Variants in METTL2B observed in about 807,000 individuals in gnomAD.
METTL2B encodes the protein methyltransferase 2B, tRNA N3-cytidine, also known as tRNA N(3)-cytidine methyltransferase METTL2B.
Under a neutral mutation model 51.0 loss-of-function variants are expected in METTL2B, and 28 were observed. The observed-to-expected ratio is 0.55, with a 90% CI of 0.41 to 0.75. The LOEUF is 0.75. Among genes scored for constraint, METTL2B ranks in the 30% least tolerant of loss-of-function variants. The probability of loss-of-function intolerance (pLI) is 0.00; values close to 1 mark genes in which losing one functional copy is unlikely to be tolerated. For missense variants in METTL2B, 313 were observed against 460.7 expected (o/e 0.68, Z 2.93); for synonymous variants, 128 against 166.3 (o/e 0.77, Z 1.77).
Position 128,476,888 on chromosome 7 carries a change from C to T in METTL2B, c.110+13C>T. On this transcript the variant is annotated intron_variant, in intron 1 of 8. Transcript: ENST00000262432. ...ACCACAATGCCTGGTAATCACCCTGCCCCCTCGCCCGGCCTGTCGCTGGCC... is the reference window on the plus strand; with the variant it reads ...ACCACAATGCCTGGTAATCACCCTGTCCCCTCGCCCGGCCTGTCGCTGGCC... The T allele has an allele frequency of 6.2e-7, 1 of 1,613,740 alleles. No individual in the cohort carries two copies. The highest frequency in any genetic ancestry group is 8.5e-7 in the Non-Finnish European group (1 of 1,179,826).
intron 7 of METTL2B, among the ~76,000 whole-genome samples, chr7:128,500,552 T>G (rs4728114): frequency 0.67 from 101,738 of 151,874 alleles, 34,280 homozygotes; most frequent in East Asian, 0.89. Context: ...AACCTGGGAG[T>G]CAGAGGTTGC....
intron 4 of METTL2B, among the ~76,000 whole-genome samples, chr7:128,481,156 G>A (rs920052275): frequency 6.6e-6 from 1 of 152,234 alleles, no homozygotes; most frequent in Non-Finnish European, 1.5e-5. Flanking sequence ...ACATGAAGAT[G>A]TCTCCTGTTC....
At position 128,498,110 on chromosome 7, in the gene METTL2B, G is replaced by T. The variant is rs376529256; in HGVS notation, c.884G>T (p.Arg295Leu). The T allele has an allele frequency of 1.9e-6, 3 of 1,613,856 alleles. No individual in the cohort carries two copies. Among genetic ancestry groups the T allele is most frequent in the South Asian group, 1.1e-5 (1 of 91,078 alleles). Residue 295 changes from arginine to leucine, a missense_variant, in exon 7 of 9, where the codon CGC (arginine) becomes CTC (leucine). Transcript: ENST00000262432. ...GGMVLLRDYG[R>L]YDMAQLRFKK... ...ATGGTACTTCTGCGAGATTACGGCC[G>T]CTATGACATGGCTCAGCTTCGGTTT...
At chr7:128,496,282 C>T (rs1365121611) in intron 6 of METTL2B, among the ~76,000 whole-genome samples, 5 of 152,154 alleles carry the variant, frequency 3.3e-5, no homozygotes, top group African/African-American at 1.2e-4. Context: ...CAGTGGCTCA[C>T]GCCTATAATC....
chr7:128,481,219 A>C (rs186163709), intron 4 of METTL2B, among the ~76,000 whole-genome samples: 54 of 152,322 alleles, frequency 3.5e-4, no homozygotes, highest in Middle Eastern at 6.8e-3. Flanking sequence ...CTGACACCAA[A>C]TGTGCAGGGT....
chr7:128,479,909 G>C (rs537153311), intron 3 of METTL2B, among the ~76,000 whole-genome samples: 2 of 152,356 alleles, frequency 1.3e-5, no homozygotes, highest in East Asian at 1.9e-4. Context: ...GGAGAGGGTA[G>C]TTAGGATGGT....
At chr7:128,494,138 A>G (rs1792884141) in intron 6 of METTL2B, among the ~76,000 whole-genome samples, 195 bp downstream of exon 6, 1 of 152,100 alleles carries the variant, frequency 6.6e-6, no homozygotes, top group Non-Finnish European at 1.5e-5. Flanking sequence ...GACCACAGGC[A>G]CGTGCCACCA....
chr7:128,488,385 T>G (rs1398238496), intron 5 of METTL2B: 3 of 728,386 alleles, frequency 4.1e-6, no homozygotes. Context: ...GTGGCAACCC[T>G]GCATCAAGCA....
At position 128,498,070 on chromosome 7, in the gene METTL2B, C is replaced by G. The variant is rs771033957; in HGVS notation, c.844C>G (p.Leu282Val). Residue 282 changes from leucine to valine, a missense_variant, in exon 7 of 9, where the codon CTG (leucine) becomes GTG (valine). This residue lies in a region of METTL2B where 138 missense variants were observed against 187.6 expected (regional missense o/e 0.74). Transcript: ENST00000262432. The part of the protein sequence containing the change: ...QKAINRLSRL[L>V]KPGGMVLLRD... The stretch of plus-strand genomic sequence containing the variant: ...GGCTATCAACAGGCTGAGCAGGCTT[C>G]TGAAACCTGGGGGGATGGTACTTCT... 2.5e-6 allele frequency: 4 copies of G among 1,613,782 alleles called. No individual in the cohort carries two copies. The African/African-American group carries it at 4.0e-5, about 16-fold the overall frequency.
Position 128,502,087 on chromosome 7 carries a change from C to T in METTL2B, c.*171C>T. 1.3e-6 allele frequency: 1 copy of T among 785,672 alleles called. No homozygotes were observed. The highest frequency in any genetic ancestry group is 2.0e-6 in the Non-Finnish European group (1 of 511,294). The allele number at this position is 785,672 out of a possible 1,614,324, so 48.7% of individuals were successfully genotyped here. On this transcript the variant is annotated 3_prime_UTR_variant, in exon 9 of 9. Coordinates refer to ENST00000262432, the MANE Select transcript of METTL2B (RefSeq NM_018396.3). ...CAGCCTGGGCAAAATAGCGAGAGAC[C>T]CTGAATCTGAAAGTAATGATAAAAT...
chr7:128,488,480 CT>C (rs1190247465), intron 5 of METTL2B: 1 of 524,424 alleles, frequency 1.9e-6, no homozygotes, highest in Non-Finnish European at 3.8e-6. Context: ...ATATTTCAGA[CT>C]TTTTTACTAT....
chr7:128,496,920 A>G (rs1005197462), intron 6 of METTL2B, among the ~76,000 whole-genome samples: 1 of 152,092 alleles, frequency 6.6e-6, no homozygotes, highest in African/African-American at 2.4e-5. Flanking sequence ...AGCTGGGATT[A>G]CAGGTGCCTG....
At chr7:128,491,773 A>AG (rs1410884614) in intron 5 of METTL2B, among the ~76,000 whole-genome samples, 2 of 151,614 alleles carry the variant, frequency 1.3e-5, no homozygotes, top group Non-Finnish European at 2.9e-5. Context: ...AAAAAAAAAA[A>AG]AAAAAAGGGT....
intron 6 of METTL2B, among the ~76,000 whole-genome samples, chr7:128,494,440 CCT>C (rs1378405926): frequency 2.0e-5 from 3 of 152,204 alleles, no homozygotes; most frequent in Non-Finnish European, 4.4e-5. Context: ...TCTGTTCTGG[CCT>C]CGAAACTTCT....
intron 8 of METTL2B, 183 bp downstream of exon 8, chr7:128,501,151 C>T (rs1793022290): frequency 3.0e-6 from 3 of 985,458 alleles, no homozygotes; most frequent in Non-Finnish European, 3.6e-6. Context: ...CCACTCGGGC[C>T]CCCAGGCAGC....
At chr7:128,498,289 C>A in intron 7 of METTL2B, 147 bp downstream of exon 7, 2 of 857,642 alleles carry the variant, frequency 2.3e-6, no homozygotes, top group Non-Finnish European at 1.6e-6. Flanking sequence ...GGGAGTTGAA[C>A]AATGAGAACA....
At chr7:128,494,910 C>A (rs1383078408) in intron 6 of METTL2B, among the ~76,000 whole-genome samples, 1 of 151,876 alleles carries the variant, frequency 6.6e-6, no homozygotes, top group Non-Finnish European at 1.5e-5. Context: ...CAGGTGTGAG[C>A]CACCACGCTG....
At position 128,476,889 on chromosome 7, in the gene METTL2B, C is replaced by T; in HGVS notation, c.110+14C>T. ...CCACAATGCCTGGTAATCACCCTGCCCCCTCGCCCGGCCTGTCGCTGGCCG... is the reference window on the plus strand; with the variant it reads ...CCACAATGCCTGGTAATCACCCTGCTCCCTCGCCCGGCCTGTCGCTGGCCG... On this transcript the variant is annotated intron_variant, in intron 1 of 8. Transcript: ENST00000262432. 6.2e-7 allele frequency: 1 copy of T among 1,613,742 alleles called. No individual in the cohort carries two copies. Among genetic ancestry groups the T allele is most frequent in the Non-Finnish European group, 8.5e-7 (1 of 1,179,802 alleles).
chr7:128,478,323 T>C (rs1462502128), intron 2 of METTL2B, among the ~76,000 whole-genome samples: 1 of 150,680 alleles, frequency 6.6e-6, no homozygotes, highest in African/African-American at 2.4e-5. Context: ...CGATCTCAGC[T>C]CACTGCAATC....
Sources: gnomAD v4.1 joint callset for allele counts (sites outside exome capture counted in the v4.1 genomes callset) on GRCh38, gnomAD v4.1.1 for gene constraint, gnomAD v4.1.1 regional missense constraint, MANE v1.5 for transcripts, NCBI Gene and HGNC (gene_info 2026-07-23, HGNC 2026-07-21) for gene names.